The following DIP2B variants were observed in gnomAD, a reference collection of about 807,000 sequenced individuals.
The protein encoded by DIP2B is disco-interacting protein 2 homolog B.
Under a neutral mutation model 198.0 loss-of-function variants are expected in DIP2B, and 76 were observed. The ratio of observed to expected loss-of-function variants is 0.38; its 90% CI spans 0.32 to 0.46. The LOEUF is 0.46. DIP2B is among the 20% of genes least tolerant of loss of function. The pLI, the probability that DIP2B is intolerant of heterozygous loss-of-function variation, is 0.99. For synonymous variants in DIP2B, 701 were observed against 739.1 expected, an observed-to-expected ratio of 0.95 and a Z score of 0.84; for missense variants, 1,559 against 1,978.4, an observed-to-expected ratio of 0.79 and a Z score of 4.02.
intron 1 of DIP2B, among the ~76,000 whole-genome samples, chr12:50,532,646 A>G (rs1958228803): frequency 6.6e-6 from 1 of 152,226 alleles, no homozygotes; most frequent in Non-Finnish European, 1.5e-5. Flanking sequence ...GGTCAGTGAC[A>G]TGAAAGGTAG....
At chr12:50,741,310 G>A (rs528522951) in intron 36 of DIP2B, 106 bp from the exon 37 acceptor site, 1 of 1,408,444 alleles carries the variant, frequency 7.1e-7, no homozygotes, top group African/African-American at 1.4e-5. Context: ...AGTTGGTAGG[G>A]GCAGAGCCAG....
chr12:50,603,358 T>C (rs1277877609), intron 1 of DIP2B, among the ~76,000 whole-genome samples: 1 of 151,842 alleles, frequency 6.6e-6, no homozygotes, highest in Non-Finnish European at 1.5e-5. Flanking sequence ...GAAGAAAAAA[T>C]ATCACAGTGT....
intron 1 of DIP2B, among the ~76,000 whole-genome samples, chr12:50,512,374 C>T (rs929854302): frequency 3.9e-5 from 6 of 151,940 alleles, no homozygotes; most frequent in Non-Finnish European, 7.4e-5. Flanking sequence ...CCCAGAGTCC[C>T]GGGATTACAG....
At chr12:50,654,152 G>A (rs888858116) in intron 3 of DIP2B, among the ~76,000 whole-genome samples, 3 of 152,154 alleles carry the variant, frequency 2.0e-5, no homozygotes, top group African/African-American at 7.2e-5. Flanking sequence ...GGGATTACAA[G>A]CGTGAACCAC....
intron 1 of DIP2B, among the ~76,000 whole-genome samples, chr12:50,535,663 G>A (rs943146068): frequency 5.3e-5 from 8 of 151,864 alleles, no homozygotes; most frequent in South Asian, 2.1e-4. Flanking sequence ...GAACCACCAC[G>A]TCTGGCCGAG....
At chr12:50,577,328 G>A (rs554188112) in intron 1 of DIP2B, among the ~76,000 whole-genome samples, 175 of 151,948 alleles carry the variant, frequency 1.2e-3, no homozygotes, top group Non-Finnish European at 1.8e-3. Context: ...TCAGGAGATC[G>A]AGACCATCCG....
intron 20 of DIP2B, among the ~76,000 whole-genome samples, chr12:50,705,980 A>T (rs1223739671): frequency 6.6e-6 from 1 of 152,234 alleles, no homozygotes; most frequent in African/African-American, 2.4e-5. Context: ...TGGGGATTTC[A>T]TAGTAGTTCC....
chr12:50,704,958 CAAAA>C (rs932683240), intron 20 of DIP2B, among the ~76,000 whole-genome samples: 6 of 143,178 alleles, frequency 4.2e-5, no homozygotes, highest in African/African-American at 7.7e-5. Flanking sequence ...AAAAAACAAA[CAAAA>C]AAAAAACAAA....
intron 1 of DIP2B, among the ~76,000 whole-genome samples, chr12:50,538,866 G>A (rs1202678203): frequency 3.3e-5 from 5 of 152,184 alleles, no homozygotes; most frequent in African/African-American, 1.2e-4. Flanking sequence ...AAAGAGAATG[G>A]CCCAATCATC....
chr12:50,594,944 G>A (rs1229333978), intron 1 of DIP2B, among the ~76,000 whole-genome samples: 1 of 152,182 alleles, frequency 6.6e-6, no homozygotes, highest in Non-Finnish European at 1.5e-5. Context: ...TAATGGGCTT[G>A]TCCTGCAGAT....
Position 50,664,830 on chromosome 12 carries a change from GTTTTT to G in DIP2B, c.427+4512_427+4516del, listed in dbSNP as rs1938719024. Among the ~76,000 whole-genome samples the G allele has an allele frequency of 9.0e-5, 9 of 99,644 alleles. 1 individual carries two copies. The highest frequency in any genetic ancestry group is 3.6e-4 in the Admixed American group (3 of 8,306). 65.4% of individuals were successfully genotyped at this position (99,644 alleles called of 152,430 possible). ...CAAGGAGAATTTCCCTCCTTTTTTGGTTTTTGTTTTTTTTTTTTTTTTTTTTTTTT... is the reference window on the plus strand; with the variant it reads ...CAAGGAGAATTTCCCTCCTTTTTTGGGTTTTTTTTTTTTTTTTTTTTTTTT... On this transcript the variant is annotated intron_variant, in intron 4 of 37. Coordinates refer to ENST00000301180, the MANE Select transcript of DIP2B (RefSeq NM_173602.3).
intron 4 of DIP2B, among the ~76,000 whole-genome samples, chr12:50,667,738 C>G (rs1260472590): frequency 6.6e-6 from 1 of 152,180 alleles, no homozygotes; most frequent in Non-Finnish European, 1.5e-5. Context: ...TTATAGGAAG[C>G]AATTAGCCAT....
At position 50,748,124 on chromosome 12, in the gene DIP2B, T is replaced by A. The variant is rs1024417536; in HGVS notation, c.*3285T>A. 1 of 152,666 alleles carries A rather than the reference T, an allele frequency of 6.6e-6. No homozygotes were observed. The highest frequency in any genetic ancestry group is 2.4e-5 in the African/African-American group (1 of 41,470). The allele number at this position is 152,666 out of a possible 1,614,324, so 9.5% of individuals were successfully genotyped here. A position where few individuals can be genotyped will look rare whatever the true frequency, so the allele number is the denominator to read the frequency against. On this transcript the variant is annotated 3_prime_UTR_variant, in exon 38 of 38. Transcript: ENST00000301180. Reference sequence around the variant, plus strand: ...CAAGGGCCCGAGGCCTTAGGTTTTCTATTAAGGTCTCTGCCCCAGGCATGG... The same window carrying A: ...CAAGGGCCCGAGGCCTTAGGTTTTCAATTAAGGTCTCTGCCCCAGGCATGG...
At chr12:50,702,216 G>A (rs1939430217) in intron 19 of DIP2B, among the ~76,000 whole-genome samples, 1 of 152,108 alleles carries the variant, frequency 6.6e-6, no homozygotes, top group South Asian at 2.1e-4. Flanking sequence ...CATGGTGGCG[G>A]GCGCCTGTAG....
Position 50,746,212 on chromosome 12 carries a change from C to T in DIP2B, c.*1373C>T, listed in dbSNP as rs1010035335. ...TTCATGTATTTGAATATAGTTAAAT[C>T]GTATTATTTTTTTCTTAACAGAAAT... On this transcript the variant is annotated 3_prime_UTR_variant, in exon 38 of 38. Transcript: ENST00000301180. 1 of 152,020 alleles carries T rather than the reference C, an allele frequency of 6.6e-6. No individual in the cohort carries two copies. The highest frequency in any genetic ancestry group is 1.9e-4 in the East Asian group (1 of 5,202). 9.4% of individuals were successfully genotyped at this position (152,020 alleles called of 1,614,324 possible).
intron 1 of DIP2B, among the ~76,000 whole-genome samples, chr12:50,549,865 G>A (rs1565821132): frequency 1.3e-5 from 2 of 151,852 alleles, no homozygotes; most frequent in African/African-American, 4.8e-5. Context: ...TAAATTTTTT[G>A]TTTTTTTCTT....
At chr12:50,631,710 A>G (rs1938058652) in intron 2 of DIP2B, among the ~76,000 whole-genome samples, 1 of 152,162 alleles carries the variant, frequency 6.6e-6, no homozygotes, top group South Asian at 2.1e-4. Flanking sequence ...TTGGATTGCA[A>G]ACATGAGCCA....
chr12:50,706,406 A>G, intron 20 of DIP2B, 132 bp from the exon 21 acceptor site: 2 of 1,100,728 alleles, frequency 1.8e-6, no homozygotes, highest in Non-Finnish European at 2.6e-6. Flanking sequence ...TGCTTTCTCT[A>G]GAATCCGTAA....
At chr12:50,721,221 T>C in intron 25 of DIP2B, 52 bp from the exon 26 acceptor site, 2 of 1,594,542 alleles carry the variant, frequency 1.3e-6, no homozygotes, top group Non-Finnish European at 1.7e-6. Context: ...TGCTTATTAC[T>C]GTTTATTTCC....
Sources: gnomAD v4.1 joint callset for allele counts (sites outside exome capture counted in the v4.1 genomes callset) on GRCh38, gnomAD v4.1.1 for gene constraint, MANE v1.5 for transcripts, NCBI Gene and HGNC (gene_info 2026-07-23, HGNC 2026-07-21) for gene names.